Variants in SORCS2 observed in about 807,000 individuals in gnomAD.
SORCS2 encodes sortilin related VPS10 domain containing receptor 2.
A neutral mutation model predicts 141.6 loss-of-function variants in SORCS2; 100 were observed. That is an observed-to-expected ratio of 0.71 (90% CI 0.60 to 0.83). SORCS2 has a LOEUF of 0.83. SORCS2 is among the 40% of genes least tolerant of loss of function. SORCS2 has a pLI of 0.00. For missense variants in SORCS2, 1,646 were observed against 1,560.2 expected (o/e 1.05, Z -0.93); for synonymous variants, 789 against 676.9 (o/e 1.17, Z -2.57).
At chr4:7,600,525 G>C (rs982177923) in intron 3 of SORCS2, among the ~76,000 whole-genome samples, 1 of 152,146 alleles carries the variant, frequency 6.6e-6, no homozygotes, top group African/African-American at 2.4e-5. Context: ...CCCAGTCCCG[G>C]CTGGCAGGGG....
At chr4:7,546,228 C>T (rs1471903167) in intron 3 of SORCS2, among the ~76,000 whole-genome samples, 1 of 152,202 alleles carries the variant, frequency 6.6e-6, no homozygotes, top group Non-Finnish European at 1.5e-5. Context: ...GTTCCAGCAA[C>T]AGCTCAGAGG....
chr4:7,455,746 G>A (rs1011785029), intron 2 of SORCS2, among the ~76,000 whole-genome samples: 1 of 151,460 alleles, frequency 6.6e-6, no homozygotes, highest in Non-Finnish European at 1.5e-5. Flanking sequence ...GTCAGGCTCC[G>A]TCTTGGGGTC....
At position 7,704,194 on chromosome 4, in the gene SORCS2, G is replaced by T. The variant is rs1361874190; in HGVS notation, c.1778G>T (p.Gly593Val). Residue 593 changes from glycine to valine, a missense_variant, in exon 14 of 27, where the codon GGC becomes GTC. Gly to Val is a moderately radical substitution (Grantham distance 109). Coordinates refer to ENST00000507866, the MANE Select transcript of SORCS2 (RefSeq NM_020777.3). ...LKILKFSVDE[G>V]LTWSTHNFTS... ...CCTGGCAGGTTCAGTGTGGACGAGGGCCTCACCTGGAGCACGCACAACTTC... is the reference window on the plus strand; with the variant it reads ...CCTGGCAGGTTCAGTGTGGACGAGGTCCTCACCTGGAGCACGCACAACTTC... 6.2e-7 allele frequency: 1 copy of T among 1,612,558 alleles called. No homozygotes were observed. The highest frequency in any genetic ancestry group is 8.5e-7 in the Non-Finnish European group (1 of 1,179,456).
intron 2 of SORCS2, among the ~76,000 whole-genome samples, chr4:7,475,587 GA>G (rs1730242021): frequency 6.6e-6 from 1 of 152,206 alleles, no homozygotes. Context: ...CAGGATCCTG[GA>G]GCCCCTTCCC....
At chr4:7,704,777 T>C (rs1340563810) in intron 14 of SORCS2, among the ~76,000 whole-genome samples, 4 of 152,156 alleles carry the variant, frequency 2.6e-5, no homozygotes, top group Non-Finnish European at 4.4e-5. Context: ...AGTGGGGACA[T>C]GCGGCGTTCG....
chr4:7,353,075 G>A (rs146292835), intron 1 of SORCS2, among the ~76,000 whole-genome samples: 1 of 152,266 alleles, frequency 6.6e-6, no homozygotes, highest in Admixed American at 6.5e-5. Flanking sequence ...TGTGACACAG[G>A]GACTGTGCCT....
intron 1 of SORCS2, among the ~76,000 whole-genome samples, chr4:7,359,157 G>A (rs898443715): frequency 2.4e-4 from 36 of 152,326 alleles, no homozygotes; most frequent in African/African-American, 8.4e-4. Context: ...TTAGCCAAGT[G>A]TGATGGTGCA....
intron 9 of SORCS2, among the ~76,000 whole-genome samples, chr4:7,676,758 A>T (rs71612275): frequency 3.6e-5 from 2 of 55,656 alleles, no homozygotes; most frequent in Non-Finnish European, 3.5e-5. Flanking sequence ...CCGCCCTGTC[A>T]TCTCCTCCTT....
intron 5 of SORCS2, 146 bp downstream of exon 5, chr4:7,654,353 C>A: frequency 1.3e-6 from 1 of 768,220 alleles, no homozygotes; most frequent in Non-Finnish European, 2.1e-6. Flanking sequence ...CCGTCCACTG[C>A]CTCTGCCTGC....
At chr4:7,469,313 T>C (rs1270552443) in intron 2 of SORCS2, among the ~76,000 whole-genome samples, 2 of 152,146 alleles carry the variant, frequency 1.3e-5, no homozygotes, top group African/African-American at 2.4e-5. Context: ...ATGTACCTCA[T>C]AGCAAGGGAC....
chr4:7,572,188 T>C (rs867957052), intron 3 of SORCS2, among the ~76,000 whole-genome samples: 3 of 152,194 alleles, frequency 2.0e-5, no homozygotes, highest in African/African-American at 7.2e-5. Flanking sequence ...TGCAAGACAA[T>C]AGCACAGGGC....
chr4:7,664,546 C>T lies in SORCS2; in HGVS notation c.1071+75C>T. 2 of 1,064,022 alleles carry T rather than the reference C, an allele frequency of 1.9e-6. No individual in the cohort carries two copies. Among genetic ancestry groups the T allele is most frequent in the South Asian group, 3.0e-5 (2 of 67,552 alleles). The allele number at this position is 1,064,022 out of a possible 1,614,324, so 65.9% of individuals were successfully genotyped here. A position where few individuals can be genotyped will look rare whatever the true frequency, so the allele number is the denominator to read the frequency against. On this transcript the variant is annotated intron_variant, in intron 7 of 26. Transcript: ENST00000507866. This position sits in a 1 kb window ranked among gnomAD's most constrained non-coding sequence, Gnocchi z 4.7. ...GATGACCCGTTCGCGGCAAAAATGG[C>T]ATCGCTCAGAAAAGAGGCAATAAAA...
intron 1 of SORCS2, among the ~76,000 whole-genome samples, chr4:7,315,221 G>C (rs62277336): frequency 6.6e-6 from 1 of 152,044 alleles, no homozygotes; most frequent in Non-Finnish European, 1.5e-5. Context: ...ACCAGCCTCT[G>C]CAGCCCCTGG....
intron 3 of SORCS2, among the ~76,000 whole-genome samples, chr4:7,608,697 T>C (rs1271181143): frequency 6.6e-6 from 1 of 152,182 alleles, no homozygotes; most frequent in Non-Finnish European, 1.5e-5. Context: ...GATGCCAGGC[T>C]TCTGTGCCAT....
chr4:7,460,405 C>T (rs1729223606), intron 2 of SORCS2, among the ~76,000 whole-genome samples: 1 of 152,226 alleles, frequency 6.6e-6, no homozygotes, highest in South Asian at 2.1e-4. Context: ...ATTCGGGGTG[C>T]CAGACTCCCC....
At chr4:7,232,400 C>T (rs1711955144) in intron 1 of SORCS2, among the ~76,000 whole-genome samples, 2 of 152,188 alleles carry the variant, frequency 1.3e-5, no homozygotes. Flanking sequence ...GGGCCCGGCG[C>T]CTGGACGCCG....
In SORCS2 at chr4:7,467,177, T is replaced by C. The variant is rs181354152; in HGVS notation, c.549-64353T>C. Among the ~76,000 whole-genome samples the C allele has an allele frequency of 9.8e-5, 15 of 152,290 alleles. No homozygotes were observed. In the East Asian group the frequency reaches 2.9e-3, roughly 29 times the overall value. The stretch of plus-strand genomic sequence containing the variant: ...AGCATGCCACAAGTGGTCCCCTGGA[T>C]GTCCAGGAGGCAGCAAGGCCTGTGT... On this transcript the variant is annotated intron_variant, in intron 2 of 26. Transcript: ENST00000507866.
chr4:7,487,352 A>C (rs1401706461), intron 2 of SORCS2, among the ~76,000 whole-genome samples: 5 of 152,180 alleles, frequency 3.3e-5, no homozygotes. Flanking sequence ...CCCATCCTAC[A>C]GCAGAAGGGG....
intron 3 of SORCS2, among the ~76,000 whole-genome samples, chr4:7,636,553 C>T (rs958480154): frequency 5.3e-5 from 8 of 152,054 alleles, no homozygotes; most frequent in African/African-American, 7.2e-5. Flanking sequence ...AAAATGGCCC[C>T]GGGGCCACCT....
Sources: allele counts gnomAD v4.1 joint callset (sites outside exome capture counted in the v4.1 genomes callset), GRCh38; gene constraint gnomAD v4.1.1; non-coding constraint Gnocchi (gnomAD v3.1); transcripts MANE v1.5; gene names NCBI Gene and HGNC (gene_info 2026-07-23, HGNC 2026-07-21).